The following HOMER1 variants were observed in gnomAD, a reference collection of about 807,000 sequenced individuals.
HOMER1 encodes the protein homer protein homolog 1.
A neutral mutation model predicts 48.9 loss-of-function variants in HOMER1; 3 were observed. The ratio of observed to expected loss-of-function variants is 0.06; its 90% CI spans 0.03 to 0.16. The LOEUF is 0.16. Ranked by LOEUF, HOMER1 falls within the 10% of genes least tolerant of loss-of-function variation. The pLI is 1.00. For synonymous variants in HOMER1, 134 were observed against 146.4 expected (o/e 0.92, Z 0.61); for missense variants, 247 against 411.4 (o/e 0.60, Z 3.46).
intron 5 of HOMER1, among the ~76,000 whole-genome samples, chr5:79,437,318 T>G (rs1750611821): frequency 6.6e-6 from 1 of 152,234 alleles, no homozygotes; most frequent in African/African-American, 2.4e-5. Context: ...TAAGTCTGTT[T>G]ATTAAATGGA....
chr5:79,471,324 T>C (rs1751608456), intron 1 of HOMER1, among the ~76,000 whole-genome samples: 1 of 151,644 alleles, frequency 6.6e-6, no homozygotes, highest in Non-Finnish European at 1.5e-5. Flanking sequence ...GGCAGGCGGA[T>C]CACCTGAGGT....
chr5:79,405,762 GATCAA>G (rs1339323016), intron 5 of HOMER1, among the ~76,000 whole-genome samples: 1 of 152,128 alleles, frequency 6.6e-6, no homozygotes, highest in African/African-American at 2.4e-5. Flanking sequence ...GCTAACCTCA[GATCAA>G]ATCAATTAAT....
At chr5:79,464,324 T>A (rs973802835) in intron 1 of HOMER1, among the ~76,000 whole-genome samples, 1 of 152,110 alleles carries the variant, frequency 6.6e-6, no homozygotes, top group African/African-American at 2.4e-5. Context: ...CCCCCTTGAT[T>A]TGAAGTAAAC....
At position 79,513,885 on chromosome 5, in the gene HOMER1, C is replaced by T. The variant is rs546648482; in HGVS notation, c.-1111G>A. ...AGCGCAGCCGCCGCTCCAGCGCCCC[C>T]ACCCCTACTCCTCGTCTCTCACGCT... On this transcript the variant is annotated 5_prime_UTR_variant, in exon 1 of 9. Coordinates refer to ENST00000334082, the MANE Select transcript of HOMER1 (RefSeq NM_004272.5). 6.5e-6 allele frequency: 1 copy of T among 154,400 alleles called. No individual in the cohort carries two copies. Among genetic ancestry groups the T allele is most frequent in the Admixed American group, 6.5e-5 (1 of 15,294 alleles). The allele number at this position is 154,400 out of a possible 1,614,324, so 9.6% of individuals were successfully genotyped here.
chr5:79,512,967 A>G lies in HOMER1; in HGVS notation c.-193T>C. 1.7e-6 allele frequency: 1 copy of G among 595,298 alleles called. No individual in the cohort carries two copies. The highest frequency in any genetic ancestry group is 3.0e-6 in the Non-Finnish European group (1 of 335,102). The allele number at this position is 595,298 out of a possible 1,614,324, so 36.9% of individuals were successfully genotyped here. A position where few individuals can be genotyped will look rare whatever the true frequency, so the allele number is the denominator to read the frequency against. Reference sequence around the variant, plus strand: ...AAATGATTTCTCTCTTGTAAATACCAAAACGTTCAAACAGAGGCGGCATTT... The same window carrying G: ...AAATGATTTCTCTCTTGTAAATACCGAAACGTTCAAACAGAGGCGGCATTT... On this transcript the variant is annotated 5_prime_UTR_variant, in exon 1 of 9. Transcript: ENST00000334082.
At chr5:79,387,085 CT>C (rs1371160953) in intron 8 of HOMER1, among the ~76,000 whole-genome samples, 1 of 145,266 alleles carries the variant, frequency 6.9e-6, no homozygotes, top group African/African-American at 2.6e-5. Flanking sequence ...ATCTCTCTCT[CT>C]CTCTCTCTCT....
intron 1 of HOMER1, among the ~76,000 whole-genome samples, chr5:79,501,122 C>T (rs1325904458): frequency 6.6e-6 from 1 of 151,790 alleles, no homozygotes; most frequent in Admixed American, 6.6e-5. Flanking sequence ...AGATGTGTAC[C>T]ACCAAGCCTG....
rs1222344879 is a variant in HOMER1 at position 79,491,430 on chromosome 5, C to A, written c.5+21340G>T. ...CTCCAGCCTGGATGACAGAGCGAGA[C>A]CTTGTCTCAAAAAAAAAAAAAAAAA... On this transcript the variant is annotated intron_variant, in intron 1 of 8. Transcript: ENST00000334082. 5.6e-5 allele frequency among the ~76,000 whole-genome samples: 6 copies of A among 107,494 alleles called. No individual in the cohort carries two copies. The East Asian group carries it at 2.2e-3, about 40-fold the overall frequency. 70.5% of individuals were successfully genotyped at this position (107,494 alleles called of 152,430 possible).
intron 5 of HOMER1, among the ~76,000 whole-genome samples, chr5:79,406,147 C>CGCTT (rs1309567763): frequency 6.6e-6 from 1 of 152,148 alleles, no homozygotes; most frequent in Non-Finnish European, 1.5e-5. Flanking sequence ...TATTTTAAAA[C>CGCTT]GCTTGACTGT....
At chr5:79,486,424 T>TA (rs1338323023) in intron 1 of HOMER1, among the ~76,000 whole-genome samples, 3 of 151,928 alleles carry the variant, frequency 2.0e-5, no homozygotes, top group Non-Finnish European at 2.9e-5. Context: ...AACACAGACA[T>TA]AAAAAACAAA....
At chr5:79,495,094 G>T (rs1372256714) in intron 1 of HOMER1, among the ~76,000 whole-genome samples, 5 of 152,042 alleles carry the variant, frequency 3.3e-5, no homozygotes, top group Admixed American at 1.3e-4. Context: ...AAGAATACAT[G>T]TAATTTTATA....
intron 1 of HOMER1, among the ~76,000 whole-genome samples, chr5:79,501,731 G>A (rs1752598144): frequency 6.6e-6 from 1 of 152,134 alleles, no homozygotes; most frequent in African/African-American, 2.4e-5. Context: ...GAGCCCCAAG[G>A]AGCTGGGGGA....
intron 5 of HOMER1, among the ~76,000 whole-genome samples, chr5:79,432,808 T>C (rs1384462569): frequency 6.6e-6 from 1 of 151,848 alleles, no homozygotes; most frequent in African/African-American, 2.4e-5. Context: ...ATTACTACCG[T>C]ACTTCTTGTA....
At chr5:79,456,445 A>G (rs1751179116) in intron 2 of HOMER1, among the ~76,000 whole-genome samples, 1 of 152,202 alleles carries the variant, frequency 6.6e-6, no homozygotes, top group Non-Finnish European at 1.5e-5. Context: ...CAGCTTTAGT[A>G]TTGACACTGA....
chr5:79,445,103 G>A (rs957785578), intron 4 of HOMER1, among the ~76,000 whole-genome samples: 12 of 152,084 alleles, frequency 7.9e-5, no homozygotes, highest in Non-Finnish European at 1.3e-4. Flanking sequence ...GAAGTGGAGA[G>A]GGAGATAAAG....
chr5:79,382,337 A>G (rs1561341961), intron 8 of HOMER1, among the ~76,000 whole-genome samples: 1 of 152,174 alleles, frequency 6.6e-6, no homozygotes, highest in Non-Finnish European at 1.5e-5. Flanking sequence ...ATAAAATGAA[A>G]GAAGGTCTTC....
intron 1 of HOMER1, among the ~76,000 whole-genome samples, chr5:79,483,746 G>A (rs1471202945): frequency 3.7e-5 from 5 of 134,816 alleles, no homozygotes; most frequent in South Asian, 2.3e-4. Flanking sequence ...ATAATTGACC[G>A]TTTAAGTAAA....
chr5:79,504,141 G>A (rs1029769831), intron 1 of HOMER1, among the ~76,000 whole-genome samples: 5 of 152,054 alleles, frequency 3.3e-5, no homozygotes, highest in African/African-American at 1.2e-4. Flanking sequence ...ACAGCAGCCT[G>A]CGAGATCTAG....
intron 1 of HOMER1, among the ~76,000 whole-genome samples, chr5:79,509,075 A>G (rs1389159142): frequency 6.6e-6 from 1 of 152,162 alleles, no homozygotes; most frequent in Admixed American, 6.5e-5. Context: ...ACCCCTAGAG[A>G]GCAGAACCCT....
Sources: gnomAD v4.1 joint callset for allele counts (sites outside exome capture counted in the v4.1 genomes callset) on GRCh38, gnomAD v4.1.1 for gene constraint, MANE v1.5 for transcripts, NCBI Gene and HGNC (gene_info 2026-07-23, HGNC 2026-07-21) for gene names.